The following CCBE1 variants were observed in gnomAD, a reference collection of about 807,000 sequenced individuals.
CCBE1 encodes the protein collagen and calcium binding EGF domains 1.
A neutral mutation model predicts 50.0 loss-of-function variants in CCBE1; 37 were observed. That is an observed-to-expected ratio of 0.74 (90% CI 0.57 to 0.97). The LOEUF is 0.97. Ranked by LOEUF, CCBE1 falls within the 50% of genes least tolerant of loss-of-function variation. The pLI is 0.00. For synonymous variants in CCBE1, 234 were observed against 203.7 expected (o/e 1.15, Z -1.27); for missense variants, 538 against 523.8 (o/e 1.03, Z -0.26).
intron 2 of CCBE1, 169 bp downstream of exon 2, chr18:59,696,460 G>T (rs1370929022): frequency 1.3e-6 from 2 of 1,482,318 alleles, no homozygotes; most frequent in Non-Finnish European, 1.8e-6. Context: ...CTCTGACTCC[G>T]ATCCAACCAA....
chr18:59,513,266 C>G (rs1228953109), intron 2 of CCBE1, among the ~76,000 whole-genome samples: 2 of 152,128 alleles, frequency 1.3e-5, no homozygotes, highest in Non-Finnish European at 2.9e-5. Flanking sequence ...GGAGATTGTG[C>G]CACTGCACTC....
intron 2 of CCBE1, among the ~76,000 whole-genome samples, chr18:59,636,058 G>T (rs1599086386): frequency 6.6e-6 from 1 of 152,024 alleles, no homozygotes; most frequent in South Asian, 2.1e-4. Context: ...AAGGCTGAGG[G>T]AGGAGAATCG....
chr18:59,690,483 C>G (rs1009303513), intron 2 of CCBE1, among the ~76,000 whole-genome samples: 2 of 152,188 alleles, frequency 1.3e-5, no homozygotes, highest in Non-Finnish European at 2.9e-5. Flanking sequence ...AGGAGAACAG[C>G]AGGGTTTGGG....
intron 2 of CCBE1, among the ~76,000 whole-genome samples, chr18:59,596,690 G>C (rs56251118): frequency 0.014 from 2,070 of 152,304 alleles, 59 homozygotes; most frequent in African/African-American, 0.047. Flanking sequence ...ACACAATTGA[G>C]ACAGCAAGAG....
At chr18:59,541,100 A>T (rs889104220) in intron 2 of CCBE1, among the ~76,000 whole-genome samples, 3 of 152,222 alleles carry the variant, frequency 2.0e-5, no homozygotes, top group African/African-American at 7.2e-5. Flanking sequence ...TCATGTCATT[A>T]ATCGGTTAGA....
intron 2 of CCBE1, among the ~76,000 whole-genome samples, chr18:59,489,049 A>G (rs1263513171): frequency 2.0e-5 from 3 of 152,302 alleles, no homozygotes; most frequent in Admixed American, 2.0e-4. Flanking sequence ...TACCACGTTC[A>G]CTCCTGCTCA....
chr18:59,449,707 T>TTC (rs1352709423), intron 6 of CCBE1, among the ~76,000 whole-genome samples: 29 of 152,170 alleles, frequency 1.9e-4, no homozygotes, highest in Non-Finnish European at 3.7e-4. Context: ...GGTAAGTCCC[T>TTC]TCATCCTTCC....
intron 2 of CCBE1, among the ~76,000 whole-genome samples, chr18:59,517,787 G>T (rs529855902): frequency 1.3e-5 from 2 of 152,204 alleles, no homozygotes; most frequent in South Asian, 4.1e-4. Flanking sequence ...CTGGAAGGGG[G>T]TTCAGAGCCA....
At position 59,696,664 on chromosome 18, in the gene CCBE1, A is replaced by G; in HGVS notation, c.177T>C (p.Cys59=). The part of the protein sequence containing the change: ...ESKIATTKYP[C]LKSSGELTTC... The stretch of plus-strand genomic sequence containing the variant: ...TGGTGAGCTCGCCTGAAGACTTCAG[A>G]CACGGGTATTTAGTCGTCGCGATTT... Residue 59 remains cysteine, a synonymous_variant, in exon 2 of 11, where the codon TGT becomes TGC. Coordinates refer to ENST00000439986, the MANE Select transcript of CCBE1 (RefSeq NM_133459.4). The G allele has an allele frequency of 1.2e-6, 2 of 1,614,108 alleles. No homozygotes were observed. The highest frequency in any genetic ancestry group is 1.7e-6 in the Non-Finnish European group (2 of 1,179,962).
At chr18:59,494,488 G>A (rs669792) in intron 2 of CCBE1, among the ~76,000 whole-genome samples, 5,394 of 151,374 alleles carry the variant, frequency 0.036, 314 homozygotes, top group African/African-American at 0.12. Flanking sequence ...TTTCAGCCTA[G>A]AGATAAGAGC....
chr18:59,443,904 C>T (rs1910556541), intron 7 of CCBE1, among the ~76,000 whole-genome samples: 1 of 152,226 alleles, frequency 6.6e-6, no homozygotes, highest in Non-Finnish European at 1.5e-5. Flanking sequence ...ATTTTCCACT[C>T]TGCTCAGCCC....
chr18:59,543,093 GCT>G, intron 2 of CCBE1, among the ~76,000 whole-genome samples: 1 of 152,260 alleles, frequency 6.6e-6, no homozygotes, highest in South Asian at 2.1e-4. Flanking sequence ...GCCTTGGATT[GCT>G]CTAGTTGGAT....
At chr18:59,632,554 G>T (rs549870344) in intron 2 of CCBE1, among the ~76,000 whole-genome samples, 1 of 151,766 alleles carries the variant, frequency 6.6e-6, no homozygotes, top group South Asian at 2.1e-4. Context: ...AATTACAGGC[G>T]TGAGCCACTG....
intron 2 of CCBE1, among the ~76,000 whole-genome samples, chr18:59,552,219 T>G (rs1260029472): frequency 4.6e-5 from 7 of 152,082 alleles, no homozygotes; most frequent in Non-Finnish European, 1.0e-4. Context: ...TCACACAACA[T>G]CGCTTCGGGC....
chr18:59,531,153 C>T (rs1915032300), intron 2 of CCBE1, among the ~76,000 whole-genome samples: 1 of 152,054 alleles, frequency 6.6e-6, no homozygotes, highest in African/African-American at 2.4e-5. Context: ...ACAGAGTGAG[C>T]TGAATGATCT....
At chr18:59,536,310 C>T (rs1380887435) in intron 2 of CCBE1, among the ~76,000 whole-genome samples, 1 of 152,128 alleles carries the variant, frequency 6.6e-6, no homozygotes, top group Admixed American at 6.5e-5. Flanking sequence ...TCATGGCAGG[C>T]ACTCAGGCCA....
chr18:59,477,994 A>G (rs949327091), intron 3 of CCBE1, among the ~76,000 whole-genome samples: 4 of 152,144 alleles, frequency 2.6e-5, no homozygotes, highest in African/African-American at 9.7e-5. Flanking sequence ...TTAACATTGA[A>G]ATCAGTAGAC....
intron 2 of CCBE1, among the ~76,000 whole-genome samples, chr18:59,577,885 C>A (rs2564488): frequency 0.17 from 25,908 of 152,088 alleles, 3,406 homozygotes; most frequent in African/African-American, 0.37. Flanking sequence ...CAATACCAAC[C>A]AGGACATAGA....
At chr18:59,505,534 C>G (rs1204204195) in intron 2 of CCBE1, among the ~76,000 whole-genome samples, 2 of 152,294 alleles carry the variant, frequency 1.3e-5, no homozygotes, top group African/African-American at 4.8e-5. Context: ...TTTGATTCCT[C>G]TAAGGATGAG....
Sources: gnomAD v4.1 joint callset for allele counts (sites outside exome capture counted in the v4.1 genomes callset) on GRCh38, gnomAD v4.1.1 for gene constraint, MANE v1.5 for transcripts, NCBI Gene and HGNC (gene_info 2026-07-23, HGNC 2026-07-21) for gene names.